NFASC: variants seen among roughly 807,000 people sequenced by gnomAD.
The protein encoded by NFASC is neurofascin.
Under a neutral mutation model 147.5 loss-of-function variants are expected in NFASC, and 43 were observed. That is an observed-to-expected ratio of 0.29 (90% CI 0.23 to 0.38). The LOEUF is 0.38. Ranked by LOEUF, NFASC falls within the 10% of genes least tolerant of loss-of-function variation. The probability of loss-of-function intolerance (pLI) is 1.00; values close to 1 mark genes in which losing one functional copy is unlikely to be tolerated. For synonymous variants in NFASC, 622 were observed against 665.5 expected (o/e 0.93, Z 1.01); for missense variants, 1,320 against 1,689.0 (o/e 0.78, Z 3.83).
At chr1:204,936,198 C>CTTTTTTTTTTTTTT (rs749844237) in intron 2 of NFASC, among the ~76,000 whole-genome samples, 1 of 71,880 alleles carries the variant, frequency 1.4e-5, no homozygotes, top group Non-Finnish European at 2.4e-5. Context: ...CTCTCTCTTT[C>CTTTTTTTTTTTTTT]TTTTTCTTTT....
At chr1:204,842,683 C>T (rs368476255) in intron 1 of NFASC, among the ~76,000 whole-genome samples, 2 of 152,232 alleles carry the variant, frequency 1.3e-5, no homozygotes, top group Non-Finnish European at 2.9e-5. Flanking sequence ...TCCCACTGAC[C>T]TGTGGTTATT....
intron 1 of NFASC, among the ~76,000 whole-genome samples, chr1:204,887,770 A>G (rs1468977692): frequency 6.6e-6 from 1 of 151,212 alleles, no homozygotes; most frequent in Admixed American, 6.6e-5. Flanking sequence ...CTAATTTTTT[A>G]TATTTTTTGT....
intron 5 of NFASC, 57 bp downstream of exon 5, chr1:204,952,173 G>A: frequency 8.3e-6 from 11 of 1,328,522 alleles, no homozygotes; most frequent in Non-Finnish European, 1.2e-5. Flanking sequence ...TGGGCCTGAT[G>A]ATAACTAAGG....
intron 2 of NFASC, among the ~76,000 whole-genome samples, chr1:204,930,981 T>TGACTTTTTCTGGAC (rs2092318495): frequency 6.6e-6 from 1 of 152,122 alleles, no homozygotes; most frequent in South Asian, 2.1e-4. Context: ...GATTCCTGGA[T>TGACTTTTTCTGGAC]GACTTTTTCT....
At chr1:204,932,700 C>T (rs1000699599) in intron 2 of NFASC, among the ~76,000 whole-genome samples, 7 of 152,174 alleles carry the variant, frequency 4.6e-5, no homozygotes, top group Non-Finnish European at 8.8e-5. Flanking sequence ...AGGTAAAGTT[C>T]AGTAGTCGTG....
intron 23 of NFASC, 24 bp downstream of exon 23, chr1:204,988,830 G>A (rs767196918): frequency 1.2e-6 from 2 of 1,610,008 alleles, no homozygotes; most frequent in East Asian, 2.2e-5. Context: ...AGCAGCCCCT[G>A]GGGTAAAAGG....
chr1:204,854,186 G>A (rs2075952360), intron 1 of NFASC, among the ~76,000 whole-genome samples: 1 of 150,756 alleles, frequency 6.6e-6, no homozygotes, highest in Admixed American at 6.6e-5. Flanking sequence ...TCTGTTCCTT[G>A]GGTAGTGGGC....
chr1:204,970,756 C>T lies in NFASC; in HGVS notation c.1135+9C>T, dbSNP rs770554510. On this transcript the variant is annotated intron_variant, in intron 11 of 29. Coordinates refer to ENST00000339876, the MANE Select transcript of NFASC (RefSeq NM_001005388.3). ...TGGGGAACCTTTGCAATGTAAGTAGCGAGCTGTTGTCCCATCTGACTCTCA... is the reference window on the plus strand; with the variant it reads ...TGGGGAACCTTTGCAATGTAAGTAGTGAGCTGTTGTCCCATCTGACTCTCA... 1.3e-5 allele frequency: 21 copies of T among 1,614,114 alleles called. No individual in the cohort carries two copies. The highest frequency in any genetic ancestry group is 1.1e-4 in the African/African-American group (8 of 75,050).
In NFASC at chr1:204,988,640, G is replaced by C. The variant is rs79077032; in HGVS notation, c.2601G>C (p.Gly867=). Reference sequence around the variant, plus strand: ...TTACCTCTCTCTCCCCAGTTAACGGGACCAAAGTAGGAAAGCAGATAGTGG... The same window carrying C: ...TTACCTCTCTCTCCCCAGTTAACGGCACCAAAGTAGGAAAGCAGATAGTGG... ...GYTLKYVAFN[G]TKVGKQIVEN... The change falls in exon 23 of 30, where the codon GGG becomes GGC. Residue 867 remains glycine (G), a synonymous_variant. Coordinates refer to ENST00000339876, the MANE Select transcript of NFASC (RefSeq NM_001005388.3). The C allele has an allele frequency of 0.012, 19,060 of 1,614,048 alleles. 142 individuals are homozygous for C. Among genetic ancestry groups the C allele is most frequent in the Non-Finnish European group, 0.014 (16,499 of 1,179,902 alleles).
chr1:204,965,512 T>G (rs1217199532), intron 8 of NFASC, among the ~76,000 whole-genome samples: 1 of 152,222 alleles, frequency 6.6e-6, no homozygotes, highest in Non-Finnish European at 1.5e-5. Context: ...AAGTTTTCCA[T>G]GCCTTTAAGA....
intron 21 of NFASC, 48 bp downstream of exon 21, chr1:204,982,068 T>G (rs1574100270): frequency 7.6e-7 from 1 of 1,313,210 alleles, no homozygotes. Context: ...TGTGGCTAGG[T>G]CGCACGAGGC....
At chr1:204,989,013 T>G in intron 23 of NFASC, 2 of 595,374 alleles carry the variant, frequency 3.4e-6, no homozygotes, top group Non-Finnish European at 6.0e-6. Flanking sequence ...TGGACCACTG[T>G]GGTCACACCT....
chr1:204,863,139 C>T (rs2076807349), intron 1 of NFASC, among the ~76,000 whole-genome samples: 2 of 152,200 alleles, frequency 1.3e-5, no homozygotes, highest in South Asian at 4.1e-4. Flanking sequence ...ACTGGTGACA[C>T]TGTCCCTATT....
At chr1:204,866,044 G>A (rs2077077828) in intron 1 of NFASC, among the ~76,000 whole-genome samples, 1 of 152,146 alleles carries the variant, frequency 6.6e-6, no homozygotes, top group East Asian at 1.9e-4. Flanking sequence ...GTCAAACATT[G>A]CTATCTCCTT....
chr1:204,886,250 G>C (rs931465647), intron 1 of NFASC, among the ~76,000 whole-genome samples: 9 of 152,006 alleles, frequency 5.9e-5, no homozygotes, highest in Non-Finnish European at 1.3e-4. Flanking sequence ...AACAGCAGGT[G>C]GTAGGCTATT....
chr1:204,908,577 C>A (rs1032295139), intron 1 of NFASC, among the ~76,000 whole-genome samples: 2 of 151,928 alleles, frequency 1.3e-5, no homozygotes, highest in African/African-American at 4.8e-5. Flanking sequence ...TGCCCAGGTT[C>A]CCCCAATAGT....
In NFASC at chr1:204,842,806, C is replaced by T. The variant is rs145134035; in HGVS notation, c.-200+14024C>T. ...CTTTGATGGGTTTGACTGGTGGGCC[C>T]GCAGATTCCTGCCTCCTTTCCTCCT... On this transcript the variant is annotated intron_variant, in intron 1 of 29. Transcript: ENST00000339876. Among the ~76,000 whole-genome samples the T allele has an allele frequency of 1.6e-3, 250 of 152,338 alleles. 1 individual carries two copies. Among genetic ancestry groups the T allele is most frequent in the African/African-American group, 5.6e-3 (232 of 41,582 alleles).
intron 21 of NFASC, among the ~76,000 whole-genome samples, chr1:204,982,408 G>C (rs1447940539): frequency 2.0e-5 from 3 of 152,160 alleles, no homozygotes; most frequent in African/African-American, 7.2e-5. Flanking sequence ...AAAACATCAG[G>C]ACTACCCATC....
rs140003225 is a variant in NFASC, at chr1:204,870,861, T to C, written c.-200+42079T>C. On this transcript the variant is annotated intron_variant, in intron 1 of 29. Coordinates refer to ENST00000339876, the MANE Select transcript of NFASC (RefSeq NM_001005388.3). ...GGAGCAGGGAAGCCAGGAATTATTT[T>C]GATTCCACCCAGGGCAGGGCTGCTG... The C allele has an allele frequency of 2.6e-5, 31 of 1,184,072 alleles. No homozygotes were observed. The East Asian group carries it at 1.8e-3, about 68-fold the overall frequency. The allele number at this position is 1,184,072 out of a possible 1,614,324, so 73.3% of individuals were successfully genotyped here.
Sources: gnomAD v4.1 joint callset for allele counts (sites outside exome capture counted in the v4.1 genomes callset) on GRCh38, gnomAD v4.1.1 for gene constraint, MANE v1.5 for transcripts, NCBI Gene and HGNC (gene_info 2026-07-23, HGNC 2026-07-21) for gene names.